Variants in ZNF438 observed in about 807,000 individuals in gnomAD.
ZNF438 encodes zinc finger protein 438.
In ZNF438, 25 loss-of-function variants were observed where a neutral mutation model predicts 38.0. The observed-to-expected ratio is 0.66, with a 90% confidence interval of 0.48 to 0.92. The LOEUF is 0.92. ZNF438 is among the 40% of genes least tolerant of loss of function. The pLI is 0.00. For synonymous variants in ZNF438, 372 were observed against 364.1 expected (o/e 1.02, Z -0.25); for missense variants, 1,007 against 999.6 (o/e 1.01, Z -0.10).
intron 3 of ZNF438, among the ~76,000 whole-genome samples, chr10:30,887,150 GGAGT>G (rs2133928380): frequency 6.6e-6 from 1 of 152,250 alleles, no homozygotes; most frequent in African/African-American, 2.4e-5. Flanking sequence ...CTAAATCACT[GGAGT>G]GAGATGGACT....
intron 2 of ZNF438, among the ~76,000 whole-genome samples, chr10:30,912,176 C>T (rs11819628): frequency 0.067 from 10,142 of 152,068 alleles, 1,137 homozygotes; most frequent in African/African-American, 0.23. Flanking sequence ...ACAGAGTTGC[C>T]TAAATGTTCT....
At chr10:30,918,865 T>A (rs2043955183) in intron 2 of ZNF438, 1 of 152,222 alleles carries the variant, frequency 6.6e-6, no homozygotes, top group Non-Finnish European at 1.5e-5. Context: ...TGCATCGATC[T>A]TTTAGGTATG....
chr10:30,938,870 G>A (rs1226393206), intron 2 of ZNF438, among the ~76,000 whole-genome samples: 2 of 151,684 alleles, frequency 1.3e-5, no homozygotes, highest in Admixed American at 6.6e-5. Context: ...TCTTGGCTCA[G>A]TGCAACCTCT....
At chr10:31,009,575 T>G (rs890380686) in intron 1 of ZNF438, among the ~76,000 whole-genome samples, 9 of 152,214 alleles carry the variant, frequency 5.9e-5, no homozygotes, top group African/African-American at 2.2e-4. Flanking sequence ...TCCATGAACA[T>G]GATCCAATCC....
At chr10:31,030,050 C>T (rs2057185657) in intron 1 of ZNF438, among the ~76,000 whole-genome samples, 1 of 152,238 alleles carries the variant, frequency 6.6e-6, no homozygotes, top group Non-Finnish European at 1.5e-5. Context: ...TACTAGGTTA[C>T]ATCAAAAGAC....
chr10:30,923,593 C>A (rs539605677), intron 2 of ZNF438, among the ~76,000 whole-genome samples: 1 of 152,336 alleles, frequency 6.6e-6, no homozygotes, highest in South Asian at 2.1e-4. Context: ...CCCCAATGAT[C>A]TTCAACACCT....
At chr10:30,845,923 G>A (rs780011274) in intron 5 of ZNF438, among the ~76,000 whole-genome samples, 5 of 152,282 alleles carry the variant, frequency 3.3e-5, no homozygotes, top group South Asian at 4.1e-4. Flanking sequence ...GAACACCCTC[G>A]GTTCTGTTGA....
chr10:30,889,921 T>C (rs2040459741), intron 3 of ZNF438, among the ~76,000 whole-genome samples: 1 of 152,102 alleles, frequency 6.6e-6, no homozygotes, highest in Admixed American at 6.5e-5. Context: ...AGGTTAGAGA[T>C]AAAATACTTA....
At chr10:30,976,717 A>T (rs2136324802) in intron 1 of ZNF438, among the ~76,000 whole-genome samples, 1 of 145,734 alleles carries the variant, frequency 6.9e-6, no homozygotes, top group Admixed American at 7.1e-5. Flanking sequence ...AGCCTTGGTG[A>T]CAAAGCAAGA....
chr10:31,029,826 C>T (rs2057169423), intron 1 of ZNF438, among the ~76,000 whole-genome samples: 1 of 152,230 alleles, frequency 6.6e-6, no homozygotes, highest in Non-Finnish European at 1.5e-5. Context: ...TCCCCGTTCC[C>T]GGCTGTGCTC....
At chr10:30,942,827 T>C (rs571399606) in intron 1 of ZNF438, among the ~76,000 whole-genome samples, 83 of 152,354 alleles carry the variant, frequency 5.4e-4, no homozygotes, top group Middle Eastern at 3.4e-3. Flanking sequence ...AGTTTGCACA[T>C]CTCCTAAAAG....
intron 4 of ZNF438, among the ~76,000 whole-genome samples, chr10:30,862,667 G>A (rs74133698): frequency 0.018 from 2,726 of 152,312 alleles, 72 homozygotes; most frequent in African/African-American, 0.063. Context: ...CAAGATGACA[G>A]TTGGTGAAGA....
chr10:30,988,427 AGAGCTGTATTCTGTG>A (rs1342385149), intron 1 of ZNF438, among the ~76,000 whole-genome samples: 8 of 152,074 alleles, frequency 5.3e-5, no homozygotes. Context: ...GAAAATACAG[AGAGCTGTATTCTGTG>A]GAGCTCCTTA....
intron 1 of ZNF438, among the ~76,000 whole-genome samples, chr10:30,959,604 C>T (rs989148863): frequency 7.0e-6 from 1 of 143,102 alleles, no homozygotes; most frequent in Admixed American, 7.1e-5. Context: ...AAAAATTAGC[C>T]GGGCGTGTTG....
chr10:30,994,718 G>C (rs2053868268), intron 1 of ZNF438, among the ~76,000 whole-genome samples: 1 of 152,166 alleles, frequency 6.6e-6, no homozygotes, highest in East Asian at 1.9e-4. Flanking sequence ...GGAGAAAAAA[G>C]AGGCAGAAAT....
intron 1 of ZNF438, among the ~76,000 whole-genome samples, chr10:30,961,398 C>T (rs1256774804): frequency 2.7e-5 from 4 of 146,484 alleles, no homozygotes; most frequent in South Asian, 2.2e-4. Context: ...TGGGCTCAGG[C>T]GATCCTTCCG....
At chr10:30,923,404 C>T (rs562692720) in intron 2 of ZNF438, 8 of 152,168 alleles carry the variant, frequency 5.3e-5, no homozygotes, top group South Asian at 2.1e-4. Flanking sequence ...ATTTCTTTCC[C>T]GAGCTCTGCT....
intron 1 of ZNF438, among the ~76,000 whole-genome samples, chr10:30,981,222 C>T (rs1042995274): frequency 6.6e-6 from 1 of 152,162 alleles, no homozygotes; most frequent in African/African-American, 2.4e-5. Flanking sequence ...TAGGGGACTG[C>T]AGAATGAGCC....
intron 1 of ZNF438, among the ~76,000 whole-genome samples, chr10:30,953,411 T>G (rs557366148): frequency 2.2e-5 from 3 of 135,820 alleles, no homozygotes; most frequent in Non-Finnish European, 5.0e-5. Context: ...ATAAAAAAAA[T>G]TTAAAAAATT....
Sources: allele counts gnomAD v4.1 joint callset (sites outside exome capture counted in the v4.1 genomes callset), GRCh38; gene constraint gnomAD v4.1.1; transcripts MANE v1.5; gene names NCBI Gene and HGNC (gene_info 2026-07-23, HGNC 2026-07-21).